LIPN: variants seen among roughly 807,000 people sequenced by gnomAD.
The protein encoded by LIPN is lipase member N.
Under a neutral mutation model 43.7 loss-of-function variants are expected in LIPN, and 32 were observed. That is an observed-to-expected ratio of 0.73 (90% CI 0.55 to 0.98). LIPN has a LOEUF of 0.98. Among genes scored for constraint, LIPN ranks in the 50% least tolerant of loss-of-function variants. The pLI, the probability that LIPN is intolerant of heterozygous loss-of-function variation, is 0.00. For synonymous variants in LIPN, 156 were observed against 157.6 expected (o/e 0.99, Z 0.08); for missense variants, 505 against 483.8 (o/e 1.04, Z -0.41).
At chr10:88,773,625 G>T (rs1205426256) in intron 7 of LIPN, among the ~76,000 whole-genome samples, 1 of 151,748 alleles carries the variant, frequency 6.6e-6, no homozygotes, top group East Asian at 1.9e-4. Context: ...TCCACAGACT[G>T]GTGTGGTTGA....
intron 4 of LIPN, 26 bp downstream of exon 4, chr10:88,764,634 G>C: frequency 6.6e-7 from 1 of 1,519,464 alleles, no homozygotes; most frequent in South Asian, 1.3e-5. Flanking sequence ...GAAAACTCAA[G>C]GGGGAAATTG....
intron 2 of LIPN, among the ~76,000 whole-genome samples, chr10:88,761,927 T>C (rs1843008055): frequency 6.6e-6 from 1 of 152,062 alleles, no homozygotes; most frequent in Non-Finnish European, 1.5e-5. Context: ...CAAAAGACAA[T>C]TGACTTGATA....
intron 6 of LIPN, chr10:88,769,466 A>G (rs79261067): frequency 0.019 from 6,567 of 341,980 alleles, 93 homozygotes; most frequent in African/African-American, 0.047. Context: ...GAGTTGAAAA[A>G]GTCATTTGGT....
At chr10:88,759,950 G>C (rs924269063), upstream of LIPN, among the ~76,000 whole-genome samples, 2 of 152,082 alleles carry the variant, frequency 1.3e-5, no homozygotes, top group Non-Finnish European at 2.9e-5. Context: ...TCAGTCTAAA[G>C]CTTCCTCCTT....
Position 88,778,214 on chromosome 10 carries a change from T to A in LIPN, c.1169T>A (p.Ile390Asn), listed in dbSNP as rs1843329000. ...GCCCCTCAACGGATGTACAGTGAAA[T>A]CATAGCTTTAATGAAGGCATATTCC... is the stretch of plus-strand genomic sequence containing the variant. ...LDAPQRMYSE[I>N]IALMKAYS The change falls in exon 10 of 10, where the codon ATC becomes AAC. Residue 390 changes from isoleucine (I) to asparagine (N), a missense_variant. Ile to Asn is a moderately radical substitution (Grantham distance 149). Coordinates refer to ENST00000404459, the MANE Select transcript of LIPN (RefSeq NM_001102469.2). 7 of 1,611,160 alleles carry A rather than the reference T, an allele frequency of 4.3e-6. No homozygotes were observed. Among genetic ancestry groups the A allele is most frequent in the South Asian group, 1.1e-5 (1 of 90,774 alleles).
At position 88,762,179 on chromosome 10, in the gene LIPN, AC is replaced by A; in HGVS notation, c.109-8del. 1 of 1,473,854 alleles carries A rather than the reference AC, an allele frequency of 6.8e-7. No homozygotes were observed. Among genetic ancestry groups the A allele is most frequent in the Non-Finnish European group, 9.4e-7 (1 of 1,059,672 alleles). 91.3% of individuals were successfully genotyped at this position (1,473,854 alleles called of 1,614,324 possible). Reference sequence around the variant, plus strand: ...AAGTTCCACTAACGACTGTATTTTTACTGGGCAGAGTGAAATCATCATCTAC... The same window carrying A: ...AAGTTCCACTAACGACTGTATTTTTATGGGCAGAGTGAAATCATCATCTAC... On this transcript the variant is annotated splice_region_variant and splice_polypyrimidine_tract_variant and intron_variant, in intron 2 of 9. Transcript: ENST00000404459.
chr10:88,766,503 T>C, intron 5 of LIPN, 125 bp downstream of exon 5: 3 of 706,836 alleles, frequency 4.2e-6, no homozygotes, highest in Non-Finnish European at 7.7e-6. Context: ...TTCCCTGTCC[T>C]CTGCTGGGAA....
intron 4 of LIPN, among the ~76,000 whole-genome samples, chr10:88,765,399 T>C (rs1453513090): frequency 6.6e-6 from 1 of 151,892 alleles, no homozygotes; most frequent in African/African-American, 2.4e-5. Flanking sequence ...AGTGGAGGAA[T>C]AGAATAGAAT....
intron 5 of LIPN, among the ~76,000 whole-genome samples, chr10:88,767,343 GCCA>G (rs1244821531): frequency 1.3e-5 from 2 of 151,708 alleles, no homozygotes; most frequent in Non-Finnish European, 2.9e-5. Flanking sequence ...GATCAAAAAT[GCCA>G]CCAATAGGCA....
At chr10:88,777,213 T>A (rs1209175508) in intron 9 of LIPN, among the ~76,000 whole-genome samples, 1 of 152,108 alleles carries the variant, frequency 6.6e-6, no homozygotes, top group Non-Finnish European at 1.5e-5. Flanking sequence ...TGACTTGGAC[T>A]TCCATAACAC....
upstream of LIPN, among the ~76,000 whole-genome samples, chr10:88,759,767 T>G (rs1293492276): frequency 6.6e-6 from 1 of 152,100 alleles, no homozygotes; most frequent in Non-Finnish European, 1.5e-5. Flanking sequence ...ACTTCCCTGT[T>G]TGACACACTG....
chr10:88,763,488 A>C (rs1324120872), intron 3 of LIPN, among the ~76,000 whole-genome samples: 1 of 152,090 alleles, frequency 6.6e-6, no homozygotes, highest in African/African-American at 2.4e-5. Flanking sequence ...TAAATACTTT[A>C]TATCAGTTAA....
At chr10:88,771,914 A>C (rs1046535129) in intron 7 of LIPN, among the ~76,000 whole-genome samples, 2 of 151,844 alleles carry the variant, frequency 1.3e-5, no homozygotes, top group African/African-American at 4.8e-5. Flanking sequence ...TCTTGTCAGC[A>C]TCCATTATTG....
chr10:88,767,994 A>G lies in LIPN; in HGVS notation c.536-798A>G, dbSNP rs1376882454. ...TCTTTTTCTGGCCAAGACAGTTTTA[A>G]TGTTCCAACAAGTGTTTCAGTACAC... On this transcript the variant is annotated intron_variant, in intron 5 of 9. Transcript: ENST00000404459. Among the ~76,000 whole-genome samples the G allele has an allele frequency of 2.7e-5, 4 of 146,396 alleles. No homozygotes were observed. In the South Asian group the frequency reaches 8.8e-4, roughly 32 times the overall value.
chr10:88,779,274 G>A lies in LIPN; in HGVS notation c.*1032G>A, dbSNP rs1564587558. On this transcript the variant is annotated 3_prime_UTR_variant, in exon 10 of 10. Transcript: ENST00000404459. ...CTGATGCAGGCTGATATCCTTCTGTGCTAAGAGAGATGATCCTTGGAAAAT... is the reference window on the plus strand; with the variant it reads ...CTGATGCAGGCTGATATCCTTCTGTACTAAGAGAGATGATCCTTGGAAAAT... Among the ~76,000 whole-genome samples, 2 of 152,168 alleles carry A rather than the reference G, an allele frequency of 1.3e-5. No individual in the cohort carries two copies. Among genetic ancestry groups the A allele is most frequent in the African/African-American group, 4.8e-5 (2 of 41,446 alleles).
chr10:88,768,865 C>T lies in LIPN; in HGVS notation c.609C>T (p.Ile203=). ...TGAATTTTGCCTTGGGTCCTACGAT[C>T]TCATTCAAATATCCCACGGGCATTT... is the stretch of plus-strand genomic sequence containing the variant. ...IKMNFALGPT[I]SFKYPTGIFT... is the part of the protein sequence containing the mutation. Residue 203 remains isoleucine, a synonymous_variant, in exon 6 of 10, where the codon ATC becomes ATT. Coordinates refer to ENST00000404459, the MANE Select transcript of LIPN (RefSeq NM_001102469.2). 1 of 1,611,422 alleles carries T rather than the reference C, an allele frequency of 6.2e-7. No homozygotes were observed. Among genetic ancestry groups the T allele is most frequent in the Middle Eastern group, 1.7e-4 (1 of 6,044 alleles).
rs10788611 is a variant in LIPN at position 88,770,903 on chromosome 10, C to T, written c.731C>T (p.Thr244Ile). 73 of 1,546,512 alleles carry T rather than the reference C, an allele frequency of 4.7e-5. No individual in the cohort carries two copies. Among genetic ancestry groups the T allele is most frequent in the Middle Eastern group, 3.4e-4 (2 of 5,958 alleles). ...LEDKKTKIAS[T>I]KICNNKILWL... ...GATAAGAAAACGAAGATAGCTTCTA[C>T]CAAAATCTGCAACAATAAGATACTC... Residue 244 changes from threonine (T) to isoleucine (I), a missense_variant, in exon 7 of 10, where the codon ACC becomes ATC. Transcript: ENST00000404459.
chr10:88,764,758 G>A (rs1024980057), intron 4 of LIPN, 150 bp downstream of exon 4: 1 of 532,290 alleles, frequency 1.9e-6, no homozygotes, highest in Admixed American at 3.6e-5. Context: ...ACAGCAAGAA[G>A]CTCTGATTTT....
rs1226556670 is a variant in LIPN at position 88,774,605 on chromosome 10, G to T, written c.891+61G>T. The T allele has an allele frequency of 2.1e-6, 3 of 1,402,440 alleles. No homozygotes were observed. The East Asian group carries it at 7.0e-5, about 33-fold the overall frequency. 86.9% of individuals were successfully genotyped at this position (1,402,440 alleles called of 1,614,324 possible). ...TATTTTCAATATATTTAAAAAGACAGAATTGACCCTGTTAACAGGCCTACC... is the reference window on the plus strand; with the variant it reads ...TATTTTCAATATATTTAAAAAGACATAATTGACCCTGTTAACAGGCCTACC... On this transcript the variant is annotated intron_variant, in intron 8 of 9. Coordinates refer to ENST00000404459, the MANE Select transcript of LIPN (RefSeq NM_001102469.2).
Sources: gnomAD v4.1 joint callset for allele counts (sites outside exome capture counted in the v4.1 genomes callset) on GRCh38, gnomAD v4.1.1 for gene constraint, MANE v1.5 for transcripts, NCBI Gene and HGNC (gene_info 2026-07-23, HGNC 2026-07-21) for gene names.